The following ESRRG variants were observed in gnomAD, a reference collection of about 807,000 sequenced individuals.
ESRRG encodes estrogen related receptor gamma, also known as estrogen-related receptor gamma.
In ESRRG, 13 loss-of-function variants were observed where a neutral mutation model predicts 44.0. That is an observed-to-expected ratio of 0.30 (90% confidence interval 0.19 to 0.47). The LOEUF (loss-of-function observed/expected upper bound fraction) is 0.47, where lower values mean the gene tolerates loss of function less well. Among genes scored for constraint, ESRRG ranks in the 20% least tolerant of loss-of-function variants. The pLI, the probability that ESRRG is intolerant of heterozygous loss-of-function variation, is 1.00. For missense variants in ESRRG, 395 were observed against 580.6 expected, an observed-to-expected ratio of 0.68 and a Z score of 3.29; for synonymous variants, 215 against 214.6, an observed-to-expected ratio of 1.00 and a Z score of -0.02.
intron 2 of ESRRG, among the ~76,000 whole-genome samples, chr1:216,801,989 T>G (rs2094636801): frequency 6.6e-6 from 1 of 152,158 alleles, no homozygotes; most frequent in African/African-American, 2.4e-5. Flanking sequence ...ATGAGTTCAT[T>G]GTACACTTGT....
At chr1:216,628,398 G>A (rs555118530) in intron 3 of ESRRG, among the ~76,000 whole-genome samples, 55 of 152,136 alleles carry the variant, frequency 3.6e-4, no homozygotes, top group Non-Finnish European at 6.8e-4. Context: ...GGGTTTAGAG[G>A]TGCGATCTAC....
intron 1 of ESRRG, among the ~76,000 whole-genome samples, chr1:217,028,745 T>C (rs1322352594): frequency 2.0e-5 from 3 of 152,248 alleles, no homozygotes; most frequent in Non-Finnish European, 4.4e-5. Flanking sequence ...GCATGGGTTA[T>C]ATGCCTAATT....
intron 1 of ESRRG, among the ~76,000 whole-genome samples, chr1:216,696,748 G>T (rs534509591): frequency 4.0e-4 from 61 of 152,134 alleles, no homozygotes; most frequent in African/African-American, 1.4e-3. Flanking sequence ...TGGCCAAATA[G>T]TTGCTGTCAT....
intron 2 of ESRRG, among the ~76,000 whole-genome samples, chr1:216,880,280 C>A (rs955292734): frequency 8.2e-6 from 1 of 121,952 alleles, no homozygotes; most frequent in Non-Finnish European, 1.6e-5. Context: ...GCACTCCAGC[C>A]TGAGCGACAA....
At chr1:216,846,090 A>G (rs1559849435) in intron 2 of ESRRG, among the ~76,000 whole-genome samples, 1 of 152,200 alleles carries the variant, frequency 6.6e-6, no homozygotes, top group Non-Finnish European at 1.5e-5. Context: ...TAAAAAGAAC[A>G]AAATTTAACC....
Position 216,573,156 on chromosome 1 carries a change from G to T in ESRRG, c.590-5058C>A, listed in dbSNP as rs139541038. On this transcript the variant is annotated intron_variant, in intron 3 of 6. Coordinates refer to ENST00000408911, the MANE Select transcript of ESRRG (RefSeq NM_001438.4). The stretch of plus-strand genomic sequence containing the variant: ...TAAATCCCTATGAGCTTGGGCCATT[G>T]TCTGCAATCATGATTTTGTGAAGAT... 1.6e-3 allele frequency among the ~76,000 whole-genome samples: 240 copies of T among 151,984 alleles called. 1 individual carries two copies. The highest frequency in any genetic ancestry group is 5.5e-3 in the African/African-American group (230 of 41,530).
rs183394183 is a variant in ESRRG, at chr1:216,783,284, G to A, written c.-13-105793C>T. The stretch of plus-strand genomic sequence containing the variant: ...GAGGGACCCTCCACAGAGTGACCAT[G>A]TCTGAGAAAAAGGACTAATGACAAC... On this transcript the variant is annotated intron_variant, in intron 2 of 7. Coordinates refer to the ESRRG transcript ENST00000359162. 6.6e-5 allele frequency among the ~76,000 whole-genome samples: 10 copies of A among 152,124 alleles called. No homozygotes were observed. The East Asian group carries it at 1.8e-3, about 27-fold the overall frequency.
intron 2 of ESRRG, among the ~76,000 whole-genome samples, chr1:216,882,823 TATA>T (rs1266150147): frequency 6.6e-6 from 1 of 152,104 alleles, no homozygotes; most frequent in Non-Finnish European, 1.5e-5. Flanking sequence ...TCCAAGTTTA[TATA>T]ATAAGAAACC....
chr1:216,597,315 C>T (rs2058579655), intron 3 of ESRRG, among the ~76,000 whole-genome samples: 1 of 152,090 alleles, frequency 6.6e-6, no homozygotes, highest in Non-Finnish European at 1.5e-5. Flanking sequence ...TTAATAAAAG[C>T]ATGGGCTAGA....
intron 1 of ESRRG, among the ~76,000 whole-genome samples, chr1:217,059,394 C>T (rs1268635984): frequency 4.6e-5 from 7 of 152,128 alleles, no homozygotes; most frequent in Non-Finnish European, 7.4e-5. Context: ...CCAGTACCAA[C>T]GCGCATCCCT....
intron 1 of ESRRG, among the ~76,000 whole-genome samples, chr1:216,695,866 T>C (rs1375664465): frequency 6.6e-6 from 1 of 152,174 alleles, no homozygotes; most frequent in East Asian, 1.9e-4. Flanking sequence ...GCATTAAGCA[T>C]TGCATGTATA....
At chr1:217,078,630 G>GTATTCTC (rs1258850320) in intron 1 of ESRRG, among the ~76,000 whole-genome samples, 1 of 152,186 alleles carries the variant, frequency 6.6e-6, no homozygotes, top group African/African-American at 2.4e-5. Context: ...ACAGTGTAAG[G>GTATTCTC]TATTCTCGGG....
intron 1 of ESRRG, among the ~76,000 whole-genome samples, chr1:217,118,119 T>A (rs1433646788): frequency 6.6e-6 from 1 of 152,206 alleles, no homozygotes; most frequent in African/African-American, 2.4e-5. Context: ...AACAACCCTA[T>A]GCAATAAGTA....
At chr1:216,625,136 A>G (rs904715533) in intron 3 of ESRRG, among the ~76,000 whole-genome samples, 23 of 152,158 alleles carry the variant, frequency 1.5e-4, no homozygotes, top group Non-Finnish European at 3.1e-4. Context: ...CTTTTAGCCC[A>G]ATTATGAACT....
intron 3 of ESRRG, among the ~76,000 whole-genome samples, chr1:216,613,996 A>G (rs992136903): frequency 8.5e-5 from 13 of 152,198 alleles, no homozygotes; most frequent in African/African-American, 3.1e-4. Flanking sequence ...GTAGGGCCAC[A>G]TTGTCCAAGC....
At chr1:216,965,297 A>C (rs1407835063) in intron 1 of ESRRG, among the ~76,000 whole-genome samples, 3 of 152,086 alleles carry the variant, frequency 2.0e-5, no homozygotes, top group African/African-American at 7.2e-5. Flanking sequence ...TCAGTCCCTA[A>C]GATGTTCTAT....
At chr1:216,885,048 T>A (rs1243839275) in intron 2 of ESRRG, among the ~76,000 whole-genome samples, 1 of 152,102 alleles carries the variant, frequency 6.6e-6, no homozygotes, top group Non-Finnish European at 1.5e-5. Context: ...GAAGGATAAA[T>A]CAATCACTAC....
chr1:216,933,435 GA>G (rs796156937), intron 2 of ESRRG, among the ~76,000 whole-genome samples: 254 of 141,098 alleles, frequency 1.8e-3, no homozygotes, highest in East Asian at 0.011. Flanking sequence ...GCTCTCAAAT[GA>G]AAAAAAAAAA....
At chr1:216,781,391 A>G (rs2093929804) in intron 2 of ESRRG, among the ~76,000 whole-genome samples, 1 of 152,080 alleles carries the variant, frequency 6.6e-6, no homozygotes, top group Admixed American at 6.6e-5. Context: ...AGTAGCAGAT[A>G]ATAAATAACC....
Sources: gnomAD v4.1 joint callset for allele counts (sites outside exome capture counted in the v4.1 genomes callset) on GRCh38, gnomAD v4.1.1 for gene constraint, MANE v1.5 for transcripts, NCBI Gene and HGNC (gene_info 2026-07-23, HGNC 2026-07-21) for gene names.